The following HMGA2 variants were observed in gnomAD, a reference collection of about 807,000 sequenced individuals.
HMGA2 encodes the protein high mobility group AT-hook 2, also known as high mobility group protein HMGI-C.
In HMGA2, 8 loss-of-function variants were observed where a neutral mutation model predicts 19.1. That is an observed-to-expected ratio of 0.42 (90% CI 0.25 to 0.76). The LOEUF (loss-of-function observed/expected upper bound fraction) is 0.76, where lower values mean the gene tolerates loss of function less well. Among genes scored for constraint, HMGA2 ranks in the 30% least tolerant of loss-of-function variants. HMGA2 has a pLI of 0.28. For synonymous variants in HMGA2, 60 were observed against 48.8 expected (o/e 1.23, Z -0.96); for missense variants, 109 against 136.3 (o/e 0.80, Z 1.00).
chr12:65,907,835 G>C (rs1009285953), intron 3 of HMGA2, among the ~76,000 whole-genome samples: 4 of 152,098 alleles, frequency 2.6e-5, no homozygotes, highest in Non-Finnish European at 5.9e-5. Flanking sequence ...GATGTAATTG[G>C]GTTTCCAACA....
intron 3 of HMGA2, among the ~76,000 whole-genome samples, chr12:65,946,579 T>C (rs2121303068): frequency 6.6e-6 from 1 of 152,334 alleles, no homozygotes; most frequent in Middle Eastern, 3.4e-3. Flanking sequence ...AATGAACTAC[T>C]AATGTCTGGG....
At chr12:65,863,780 C>T (rs527454739) in intron 3 of HMGA2, among the ~76,000 whole-genome samples, 1 of 152,158 alleles carries the variant, frequency 6.6e-6, no homozygotes, top group African/African-American at 2.4e-5. Context: ...ACCCTCACCC[C>T]AAAACATGAA....
intron 3 of HMGA2, among the ~76,000 whole-genome samples, chr12:65,944,972 A>G (rs1170328488): frequency 6.6e-6 from 1 of 152,066 alleles, no homozygotes; most frequent in African/African-American, 2.4e-5. Flanking sequence ...TCTGGACTCG[A>G]GTCCTCTTGC....
intron 3 of HMGA2, among the ~76,000 whole-genome samples, chr12:65,845,807 T>C (rs991974970): frequency 2.0e-5 from 3 of 152,216 alleles, no homozygotes; most frequent in Non-Finnish European, 4.4e-5. Context: ...CCATAACTAA[T>C]GGCTGTCAAG....
At chr12:65,927,475 T>A (rs1314644326) in intron 3 of HMGA2, among the ~76,000 whole-genome samples, 2 of 152,220 alleles carry the variant, frequency 1.3e-5, no homozygotes, top group Non-Finnish European at 2.9e-5. Context: ...CACTTTTAAG[T>A]GGCTGTGTGA....
At chr12:65,908,429 A>T (rs1253000901) in intron 3 of HMGA2, among the ~76,000 whole-genome samples, 2 of 152,148 alleles carry the variant, frequency 1.3e-5, no homozygotes, top group Non-Finnish European at 2.9e-5. Context: ...TAATCTCTTC[A>T]AAGTCTCATT....
chr12:65,904,717 A>G (rs1177358539), intron 3 of HMGA2, among the ~76,000 whole-genome samples: 2 of 152,296 alleles, frequency 1.3e-5, no homozygotes, highest in East Asian at 3.9e-4. Flanking sequence ...CATCCTACAT[A>G]TATATAACTC....
At chr12:65,836,718 A>G (rs1870744730) in intron 2 of HMGA2, among the ~76,000 whole-genome samples, 1 of 152,194 alleles carries the variant, frequency 6.6e-6, no homozygotes, top group South Asian at 2.1e-4. Context: ...TGAAGGTAAG[A>G]CAATGCCACT....
rs188586489 is a variant in HMGA2, at chr12:65,881,023, C to A, written c.249+42454C>A. ...TGTCCTTTCTGTCAATGCAGAAATGCCAGTGCAGCTTGTTTTCTGGGTGGC... is the reference window on the plus strand; with the variant it reads ...TGTCCTTTCTGTCAATGCAGAAATGACAGTGCAGCTTGTTTTCTGGGTGGC... On this transcript the variant is annotated intron_variant, in intron 3 of 4. Coordinates refer to ENST00000403681, the MANE Select transcript of HMGA2 (RefSeq NM_003483.6). Among the ~76,000 whole-genome samples, 7 of 152,204 alleles carry A rather than the reference C, an allele frequency of 4.6e-5. No homozygotes were observed. In the East Asian group the frequency reaches 1.4e-3, roughly 29 times the overall value.
Position 65,824,713 on chromosome 12 carries a change from T to TTCCCTC in HMGA2, c.-556_-555insCCTCTC. The TTCCCTC allele has an allele frequency of 7.7e-6, 1 of 129,218 alleles. No individual in the cohort carries two copies. Among genetic ancestry groups the TTCCCTC allele is most frequent in the South Asian group, 3.7e-4 (1 of 2,688 alleles). The allele number at this position is 129,218 out of a possible 1,614,324, so 8.0% of individuals were successfully genotyped here. On this transcript the variant is annotated 5_prime_UTR_variant, in exon 1 of 5. Coordinates refer to ENST00000403681, the MANE Select transcript of HMGA2 (RefSeq NM_003483.6). ...CCAAGGCACTTTCAATCTCAATCTC[T>TTCCCTC]TCTCTCTCTCTCTCTCTCTCTCTCT...
chr12:65,880,757 T>G (rs987381094), intron 3 of HMGA2, among the ~76,000 whole-genome samples: 8 of 152,136 alleles, frequency 5.3e-5, no homozygotes, highest in African/African-American at 1.9e-4. Flanking sequence ...GGAGTCTAGG[T>G]CTTGGGGTTT....
At chr12:65,866,476 G>A (rs1362381896) in intron 3 of HMGA2, among the ~76,000 whole-genome samples, 3 of 152,182 alleles carry the variant, frequency 2.0e-5, no homozygotes, top group African/African-American at 7.2e-5. Flanking sequence ...ATTAACAGCA[G>A]ATAGGACAAG....
intron 3 of HMGA2, among the ~76,000 whole-genome samples, chr12:65,950,131 T>C (rs757063873): frequency 2.0e-5 from 3 of 152,208 alleles, no homozygotes; most frequent in Admixed American, 6.5e-5. Context: ...GTACAGCTGC[T>C]TTAGAAAGCT....
chr12:65,895,114 C>T (rs527742465), intron 3 of HMGA2, among the ~76,000 whole-genome samples: 1 of 152,246 alleles, frequency 6.6e-6, no homozygotes, highest in Non-Finnish European at 1.5e-5. Flanking sequence ...TAGTGAATAG[C>T]TCTCCAAAGA....
intron 4 of HMGA2, among the ~76,000 whole-genome samples, chr12:65,961,466 C>T (rs186176148): frequency 2.0e-5 from 3 of 152,222 alleles, no homozygotes; most frequent in Admixed American, 2.0e-4. Context: ...ATATGTGAAG[C>T]CCACAGTTTG....
At chr12:65,932,690 G>C (rs983646984) in intron 3 of HMGA2, among the ~76,000 whole-genome samples, 4 of 152,176 alleles carry the variant, frequency 2.6e-5, no homozygotes, top group African/African-American at 9.7e-5. Context: ...GTAATGCCCT[G>C]TCCCTCCTTG....
rs552942216 is a variant in HMGA2, at chr12:65,852,439, G to C, written c.249+13870G>C. ...AATCTCTTGAACTCGGGAGGTGGAG[G>C]TTGCAGTGAGCTGAGATTGCACCAC... On this transcript the variant is annotated intron_variant, in intron 3 of 4. Transcript: ENST00000403681. 2.4e-4 allele frequency among the ~76,000 whole-genome samples: 37 copies of C among 152,218 alleles called. No homozygotes were observed. The East Asian group carries it at 7.2e-3, about 29-fold the overall frequency.
chr12:65,834,612 G>A (rs11175940), intron 2 of HMGA2, among the ~76,000 whole-genome samples: 5 of 113,374 alleles, frequency 4.4e-5, no homozygotes, highest in African/African-American at 6.7e-5. Flanking sequence ...CCCTCCCTCC[G>A]TTCCTCCCTG....
intron 3 of HMGA2, among the ~76,000 whole-genome samples, chr12:65,866,610 G>A (rs368457690): frequency 6.6e-6 from 1 of 152,296 alleles, no homozygotes; most frequent in Non-Finnish European, 1.5e-5. Context: ...AAGGCAAGAT[G>A]ATTCATTATA....
Sources: gnomAD v4.1 joint callset for allele counts (sites outside exome capture counted in the v4.1 genomes callset) on GRCh38, gnomAD v4.1.1 for gene constraint, MANE v1.5 for transcripts, NCBI Gene and HGNC (gene_info 2026-07-23, HGNC 2026-07-21) for gene names.